AMZ2: variants seen among roughly 807,000 people sequenced by gnomAD.
AMZ2 encodes the protein archaelysin family metallopeptidase 2, also known as archaemetzincin-2.
Under a neutral mutation model 36.7 loss-of-function variants are expected in AMZ2, and 26 were observed. The observed-to-expected ratio is 0.71, with a 90% CI of 0.52 to 0.98. The LOEUF is 0.98. AMZ2 is among the 50% of genes least tolerant of loss of function. AMZ2 has a pLI of 0.00. For synonymous variants in AMZ2, 144 were observed against 149.1 expected (o/e 0.97, Z 0.25); for missense variants, 394 against 430.5 (o/e 0.92, Z 0.75).
At chr17:68,209,893 T>C (rs2072989841) in intron 1 of AMZ2, among the ~76,000 whole-genome samples, 1 of 151,904 alleles carries the variant, frequency 6.6e-6, no homozygotes, top group Non-Finnish European at 1.5e-5. Flanking sequence ...AATGCTGGGA[T>C]TACAGGCTTG....
intron 1 of AMZ2, among the ~76,000 whole-genome samples, chr17:68,229,010 G>A (rs1774060437): frequency 6.6e-6 from 1 of 152,224 alleles, no homozygotes; most frequent in African/African-American, 2.4e-5. Flanking sequence ...GGCCTCCGTG[G>A]CCAGGTGGCG....
chr17:68,219,861 G>A (rs1295861748), intron 1 of AMZ2, among the ~76,000 whole-genome samples: 1 of 152,068 alleles, frequency 6.6e-6, no homozygotes, highest in African/African-American at 2.4e-5. Flanking sequence ...AGCTATTATT[G>A]TTCATAGATT....
chr17:68,215,384 A>C (rs571074815), intron 1 of AMZ2, among the ~76,000 whole-genome samples: 3 of 134,332 alleles, frequency 2.2e-5, no homozygotes, highest in East Asian at 4.3e-4. Context: ...TTTGTCAGCA[A>C]GGTCATTCCA....
intron 1 of AMZ2, chr17:68,206,353 C>T: frequency 9.2e-7 from 1 of 1,089,808 alleles, no homozygotes; most frequent in Non-Finnish European, 1.2e-6. Flanking sequence ...CGCCTCCCCC[C>T]CAAACAGAGG....
chr17:68,242,170 G>A (rs2073915477), intron 1 of AMZ2, among the ~76,000 whole-genome samples: 1 of 152,150 alleles, frequency 6.6e-6, no homozygotes, highest in African/African-American at 2.4e-5. Flanking sequence ...TAGAAAAATA[G>A]ATTGAGGAGC....
rs1345245896 is a variant in AMZ2, at chr17:68,248,691, T to G, written c.-15T>G. 5.5e-5 allele frequency: 54 copies of G among 986,318 alleles called. No homozygotes were observed. Among genetic ancestry groups the G allele is most frequent in the Non-Finnish European group, 6.1e-5 (51 of 830,472 alleles). The allele number at this position is 986,318 out of a possible 1,614,324, so 61.1% of individuals were successfully genotyped here. On this transcript the variant is annotated 5_prime_UTR_variant, in exon 1 of 7. Transcript: ENST00000359904. ...AAGTTAAAAGCTTCCATGGGAGCCT[T>G]CCTTCCTAATCAAGGTAGGTAGACT... is the stretch of plus-strand genomic sequence containing the variant.
intron 1 of AMZ2, among the ~76,000 whole-genome samples, chr17:68,225,027 C>A (rs782761420): frequency 1.8e-4 from 18 of 98,970 alleles, no homozygotes; most frequent in South Asian, 1.5e-3. Context: ...AAAAAAAAAA[C>A]ACACACACAC....
At chr17:68,207,703 C>G (rs1308573216) in intron 1 of AMZ2, among the ~76,000 whole-genome samples, 6 of 152,256 alleles carry the variant, frequency 3.9e-5, no homozygotes, top group Admixed American at 1.3e-4. Flanking sequence ...TGGCAGCCCT[C>G]ATAGCCCTCC....
rs759947502 is a variant in AMZ2 at position 68,255,683 on chromosome 17, A to G, written c.751-17A>G. 1.3e-4 allele frequency: 212 copies of G among 1,610,518 alleles called. No homozygotes were observed. Among genetic ancestry groups the G allele is most frequent in the Middle Eastern group, 1.6e-4 (1 of 6,072 alleles). The stretch of plus-strand genomic sequence containing the variant: ...GTGATGGTGGTCTTATAAAGCCTCA[A>G]CATGATTGTCTTGCAGACTTTAACC... On this transcript the variant is annotated splice_polypyrimidine_tract_variant and intron_variant, in intron 5 of 6. Coordinates refer to ENST00000359904, the MANE Select transcript of AMZ2 (RefSeq NM_016627.5).
At chr17:68,249,001 A>T (rs2074237782) in intron 1 of AMZ2, 4 of 1,051,726 alleles carry the variant, frequency 3.8e-6, no homozygotes, top group Non-Finnish European at 3.6e-6. Context: ...TTTTTCCTTA[A>T]TTCAAAAAGC....
Position 68,250,364 on chromosome 17 carries a change from G to GA in AMZ2, c.178dup (p.Ile60AsnfsTer6). ...TTACCTTGCATTCTCCATCAGATTG[G>GA]ATCACCTCCCACCCTGAGGCTCCCC... On this transcript the variant is annotated frameshift_variant, in exon 2 of 7. Transcript: ENST00000359904. LOFTEE classifies it high-confidence loss of function. 1.2e-6 allele frequency: 2 copies of GA among 1,614,112 alleles called. No homozygotes were observed. Among genetic ancestry groups the GA allele is most frequent in the Non-Finnish European group, 1.7e-6 (2 of 1,180,024 alleles).
In AMZ2 at chr17:68,248,518, C is replaced by T; in HGVS notation, c.-188C>T. The T allele has an allele frequency of 1.0e-6, 1 of 986,114 alleles. No homozygotes were observed. Among genetic ancestry groups the T allele is most frequent in the South Asian group, 4.7e-5 (1 of 21,284 alleles). 61.1% of individuals were successfully genotyped at this position (986,114 alleles called of 1,614,324 possible). A position where few individuals can be genotyped will look rare whatever the true frequency, so the allele number is the denominator to read the frequency against. ...CACTGCAGTGACCGAATTCTGCGCC[C>T]CCTGCCCATCTTCTCCCGCAGCTTC... On this transcript the variant is annotated 5_prime_UTR_variant, in exon 1 of 7. Coordinates refer to ENST00000359904, the MANE Select transcript of AMZ2 (RefSeq NM_016627.5).
chr17:68,255,911 A>AG, intron 6 of AMZ2, 35 bp downstream of exon 6: 1 of 1,602,312 alleles, frequency 6.2e-7, no homozygotes, highest in Non-Finnish European at 8.5e-7. Flanking sequence ...AAGAGGGGGA[A>AG]GTGGTTATCT....
At chr17:68,209,394 A>C (rs1371391185) in intron 1 of AMZ2, among the ~76,000 whole-genome samples, 1 of 151,480 alleles carries the variant, frequency 6.6e-6, no homozygotes, top group Non-Finnish European at 1.5e-5. Context: ...GGGTTTCACT[A>C]TGTTGGCCAG....
chr17:68,250,169 A>C lies in AMZ2; in HGVS notation c.1-19A>C, dbSNP rs2074337890. 6.2e-7 allele frequency: 1 copy of C among 1,602,814 alleles called. No homozygotes were observed. The highest frequency in any genetic ancestry group is 1.1e-5 in the South Asian group (1 of 89,896). ...TAGATATGTATTTTTATATTTGATT[A>C]CTTGCTTTTTTTTGTTAGATGCAAA... On this transcript the variant is annotated intron_variant, in intron 1 of 6. Transcript: ENST00000359904.
rs1469610917 is a variant in AMZ2, at chr17:68,235,563, T to TA, written c.-66-13076dup. 5.3e-5 allele frequency among the ~76,000 whole-genome samples: 8 copies of TA among 151,688 alleles called. No homozygotes were observed. Among genetic ancestry groups the TA allele is most frequent in the African/African-American group, 1.7e-4 (7 of 41,266 alleles). On this transcript the variant is annotated intron_variant, in intron 1 of 7. Coordinates refer to the AMZ2 transcript ENST00000674770. The surrounding 1 kb of genome is among the most constrained non-coding windows in gnomAD (Gnocchi z 4.2). ...CTGCAAAGTAGGTTGGCTTCCCCCT[T>TA]ACGGAGCCCCTATCCGGGACAGCCT...
At chr17:68,244,319 C>T (rs1427320294), upstream of AMZ2, among the ~76,000 whole-genome samples, 2 of 152,158 alleles carry the variant, frequency 1.3e-5, no homozygotes, top group Non-Finnish European at 2.9e-5. Context: ...GACAGTCTTG[C>T]TCTGTTGCCC....
chr17:68,226,315 G>T (rs2073515342), intron 1 of AMZ2, among the ~76,000 whole-genome samples: 1 of 152,230 alleles, frequency 6.6e-6, no homozygotes, highest in Non-Finnish European at 1.5e-5. Context: ...GTGAGAGGCT[G>T]ACTCTAACGT....
chr17:68,249,928 C>T (rs1325409360), intron 1 of AMZ2: 23 of 446,806 alleles, frequency 5.1e-5, no homozygotes, highest in Non-Finnish European at 8.8e-5. Context: ...CATGAGCCAC[C>T]ACACCTGGCC....
Sources: gnomAD v4.1 joint callset for allele counts (sites outside exome capture counted in the v4.1 genomes callset) on GRCh38, gnomAD v4.1.1 for gene constraint, Gnocchi (gnomAD v3.1) non-coding constraint, MANE v1.5 for transcripts, NCBI Gene and HGNC (gene_info 2026-07-23, HGNC 2026-07-21) for gene names.